The following PTPRR variants were observed in gnomAD, a reference collection of about 807,000 sequenced individuals.
PTPRR encodes the protein protein tyrosine phosphatase receptor type R.
Under a neutral mutation model 77.2 loss-of-function variants are expected in PTPRR, and 38 were observed. The observed-to-expected ratio is 0.49, with a 90% CI of 0.38 to 0.65. The LOEUF is 0.65. Among genes scored for constraint, PTPRR ranks in the 30% least tolerant of loss-of-function variants. The pLI, the probability that PTPRR is intolerant of heterozygous loss-of-function variation, is 0.00. For missense variants in PTPRR, 744 were observed against 799.2 expected (o/e 0.93, Z 0.83); for synonymous variants, 299 against 283.1 (o/e 1.06, Z -0.57).
At chr12:70,776,035 G>C (rs1272975735) in intron 2 of PTPRR, among the ~76,000 whole-genome samples, 2 of 151,820 alleles carry the variant, frequency 1.3e-5, no homozygotes, top group African/African-American at 2.4e-5. Flanking sequence ...CCTTTCTCAT[G>C]GTCTTACACC....
At chr12:70,709,524 T>A (rs1273204192) in intron 6 of PTPRR, among the ~76,000 whole-genome samples, 3 of 152,058 alleles carry the variant, frequency 2.0e-5, no homozygotes, top group Admixed American at 2.0e-4. Context: ...AAGTAAACTA[T>A]CCCTGTTTGC....
intron 2 of PTPRR, among the ~76,000 whole-genome samples, chr12:70,767,420 G>A (rs1890853981): frequency 6.6e-6 from 1 of 150,786 alleles, no homozygotes; most frequent in Non-Finnish European, 1.5e-5. Flanking sequence ...GACAAAGGCG[G>A]CCATTACATA....
At chr12:70,654,038 T>A (rs1886489581) in intron 13 of PTPRR, among the ~76,000 whole-genome samples, 1 of 152,128 alleles carries the variant, frequency 6.6e-6, no homozygotes, top group African/African-American at 2.4e-5. Context: ...GAAAAACTAA[T>A]CTGGATAGGG....
At chr12:70,783,308 T>C (rs1450293413) in intron 2 of PTPRR, among the ~76,000 whole-genome samples, 1 of 152,074 alleles carries the variant, frequency 6.6e-6, no homozygotes, top group Non-Finnish European at 1.5e-5. Flanking sequence ...AGCTCCTCTC[T>C]GCTACTGGTT....
intron 2 of PTPRR, among the ~76,000 whole-genome samples, chr12:70,845,066 A>C (rs918044213): frequency 5.9e-5 from 9 of 152,204 alleles, no homozygotes; most frequent in Admixed American, 5.9e-4. Flanking sequence ...TTTGAACTGG[A>C]CATGGAAAAA....
chr12:70,811,557 G>A (rs1323063926), intron 2 of PTPRR, among the ~76,000 whole-genome samples: 1 of 152,188 alleles, frequency 6.6e-6, no homozygotes, highest in Non-Finnish European at 1.5e-5. Flanking sequence ...AGAAACCTTA[G>A]ACCATCAACT....
intron 2 of PTPRR, among the ~76,000 whole-genome samples, chr12:70,859,817 A>C (rs10784874): frequency 0.68 from 103,640 of 151,786 alleles, 36,625 homozygotes; most frequent in African/African-American, 0.87. Flanking sequence ...ATTCTAATGG[A>C]AAAATAACTC....
intron 8 of PTPRR, among the ~76,000 whole-genome samples, chr12:70,686,606 G>C (rs369247624): frequency 2.9e-4 from 44 of 152,122 alleles, no homozygotes; most frequent in East Asian, 1.5e-3. Context: ...TTTCCTCCTT[G>C]CGCTCTTTCT....
chr12:70,865,820 G>A (rs1009731912), intron 2 of PTPRR, among the ~76,000 whole-genome samples: 1 of 152,058 alleles, frequency 6.6e-6, no homozygotes, highest in Admixed American at 6.6e-5. Context: ...ATATAATATG[G>A]CAAGATCTAA....
intron 2 of PTPRR, among the ~76,000 whole-genome samples, chr12:70,775,690 C>T (rs951430248): frequency 1.3e-5 from 2 of 152,122 alleles, no homozygotes; most frequent in African/African-American, 4.8e-5. Flanking sequence ...AGTGCTGTCT[C>T]AATTCCCAAC....
chr12:70,768,572 A>C lies in PTPRR; in HGVS notation c.358-3794T>G, dbSNP rs751229442. 1.8e-4 allele frequency among the ~76,000 whole-genome samples: 28 copies of C among 152,262 alleles called. No individual in the cohort carries two copies. In the East Asian group the frequency reaches 2.1e-3, roughly 12 times the overall value. The stretch of plus-strand genomic sequence containing the variant: ...CAGATGGATTCATAGCTGAATTCTA[A>C]CAGAGGTACAAGGAGGAACTGGTAC... On this transcript the variant is annotated intron_variant, in intron 2 of 13. Transcript: ENST00000283228.
chr12:70,791,621 C>T (rs1891423137), intron 2 of PTPRR, among the ~76,000 whole-genome samples: 1 of 152,066 alleles, frequency 6.6e-6, no homozygotes, highest in African/African-American at 2.4e-5. Context: ...TAATGCTTGG[C>T]TTATGGCAGA....
chr12:70,847,327 T>C (rs1892502325), intron 2 of PTPRR, among the ~76,000 whole-genome samples: 1 of 152,216 alleles, frequency 6.6e-6, no homozygotes, highest in Admixed American at 6.5e-5. Flanking sequence ...GCACAAAATT[T>C]ATGGTCAAAC....
chr12:70,794,819 C>T (rs1013247346), intron 2 of PTPRR, among the ~76,000 whole-genome samples: 1 of 152,174 alleles, frequency 6.6e-6, no homozygotes, highest in Non-Finnish European at 1.5e-5. Context: ...ACTACCACTG[C>T]CAACAACTAT....
At chr12:70,865,427 A>T (rs1892826776) in intron 2 of PTPRR, among the ~76,000 whole-genome samples, 1 of 152,154 alleles carries the variant, frequency 6.6e-6, no homozygotes, top group Non-Finnish European at 1.5e-5. Context: ...TCACCTTCCA[A>T]ATGACAGAGG....
chr12:70,693,648 C>A (rs1258171466), intron 8 of PTPRR, among the ~76,000 whole-genome samples: 1 of 151,778 alleles, frequency 6.6e-6, no homozygotes, highest in East Asian at 1.9e-4. Context: ...CAACATATAA[C>A]TGAGTATGGG....
intron 8 of PTPRR, among the ~76,000 whole-genome samples, chr12:70,696,688 G>T (rs915214746): frequency 6.6e-6 from 1 of 151,904 alleles, no homozygotes; most frequent in Admixed American, 6.6e-5. Context: ...TTTTCACAGA[G>T]CTGTGCAACA....
chr12:70,752,605 A>G (rs1440759504), intron 5 of PTPRR, among the ~76,000 whole-genome samples: 3 of 152,228 alleles, frequency 2.0e-5, no homozygotes, highest in Non-Finnish European at 2.9e-5. Flanking sequence ...AAGGCTGGGC[A>G]TGACTCTGCT....
intron 6 of PTPRR, among the ~76,000 whole-genome samples, chr12:70,715,708 G>T (rs1012046643): frequency 6.6e-6 from 1 of 152,268 alleles, no homozygotes; most frequent in South Asian, 2.1e-4. Context: ...GCTCTGCTCC[G>T]CCCGGCTCAC....
Sources: allele counts gnomAD v4.1 joint callset (sites outside exome capture counted in the v4.1 genomes callset), GRCh38; gene constraint gnomAD v4.1.1; transcripts MANE v1.5; gene names NCBI Gene and HGNC (gene_info 2026-07-23, HGNC 2026-07-21).